The following ADD2 variants were observed in gnomAD, a reference collection of about 807,000 sequenced individuals.
ADD2 encodes the protein adducin 2, also known as beta-adducin.
A neutral mutation model predicts 83.0 loss-of-function variants in ADD2; 23 were observed. The ratio of observed to expected loss-of-function variants is 0.28; its 90% confidence interval spans 0.20 to 0.39. The LOEUF is 0.39. Among genes scored for constraint, ADD2 ranks in the 10% least tolerant of loss-of-function variants. The pLI is 1.00. For missense variants in ADD2, 758 were observed against 944.9 expected (o/e 0.80, Z 2.59); for synonymous variants, 375 against 375.4 (o/e 1.00, Z 0.01).
At chr2:70,718,860 G>A (rs1227632687) in intron 1 of ADD2, among the ~76,000 whole-genome samples, 1 of 152,216 alleles carries the variant, frequency 6.6e-6, no homozygotes, top group African/African-American at 2.4e-5. Context: ...GGGAGCAGAT[G>A]CCAGGGGCCT....
intron 11 of ADD2, 76 bp downstream of exon 11, chr2:70,678,628 C>T: frequency 4.7e-6 from 7 of 1,499,612 alleles, no homozygotes; most frequent in Non-Finnish European, 6.2e-6. Context: ...TTGTTCTGTT[C>T]CCGTTTTAAA....
rs958673410 is a variant in ADD2, at chr2:70,659,114, C to T, written c.*4311G>A. Reference sequence around the variant, plus strand: ...GAGCTAAGATTGCACCACTGCACTCCAGCCTGGGCAACAAAGAGCAAAGCT... The same window carrying T: ...GAGCTAAGATTGCACCACTGCACTCTAGCCTGGGCAACAAAGAGCAAAGCT... On this transcript the variant is annotated 3_prime_UTR_variant, in exon 16 of 16. Coordinates refer to ENST00000264436, the MANE Select transcript of ADD2 (RefSeq NM_001617.4). The T allele has an allele frequency of 1.4e-5, 2 of 138,830 alleles. No homozygotes were observed. Among genetic ancestry groups the T allele is most frequent in the African/African-American group, 2.8e-5 (1 of 36,002 alleles). 8.6% of individuals were successfully genotyped at this position (138,830 alleles called of 1,614,324 possible).
chr2:70,766,163 G>A (rs573582089), intron 1 of ADD2, among the ~76,000 whole-genome samples: 2 of 152,226 alleles, frequency 1.3e-5, no homozygotes, highest in African/African-American at 4.8e-5. Context: ...CAATTTGGTG[G>A]ACAAGAAAGA....
At position 70,672,891 on chromosome 2, in the gene ADD2, G is replaced by A; in HGVS notation, c.1857C>T (p.Ser619=). The A allele has an allele frequency of 6.2e-7, 1 of 1,612,510 alleles. No individual in the cohort carries two copies. Among genetic ancestry groups the A allele is most frequent in the Non-Finnish European group, 8.5e-7 (1 of 1,179,482 alleles). ...AGCTGGACTCACCCTCTAAAGACTT[G>A]GAAGGAGAGACTAAAGGGCTCTTTG... ...AETKSPLVSP[S]KSLEEGTKKT... Residue 619 remains serine, a synonymous_variant, in exon 15 of 16, where the codon TCC becomes TCT. Coordinates refer to ENST00000264436, the MANE Select transcript of ADD2 (RefSeq NM_001617.4).
In ADD2 at chr2:70,746,997, T is replaced by C. The variant is rs1674233708; in HGVS notation, c.-154+20889A>G. 2.0e-5 allele frequency among the ~76,000 whole-genome samples: 3 copies of C among 148,740 alleles called. No individual in the cohort carries two copies. The South Asian group carries it at 6.3e-4, about 31-fold the overall frequency. ...GTCCCTGCACTCCAGGAGCTAACAGTCCAATATGGATTTTTTTTTTTTTTT... is the reference window on the plus strand; with the variant it reads ...GTCCCTGCACTCCAGGAGCTAACAGCCCAATATGGATTTTTTTTTTTTTTT... On this transcript the variant is annotated intron_variant, in intron 1 of 15. Coordinates refer to ENST00000264436, the MANE Select transcript of ADD2 (RefSeq NM_001617.4).
In ADD2 at chr2:70,658,631, T is replaced by G. The variant is rs1353860672; in HGVS notation, c.*4794A>C. On this transcript the variant is annotated 3_prime_UTR_variant, in exon 16 of 16. Transcript: ENST00000264436. Reference sequence around the variant, plus strand: ...CTCATTTCTTTTCAGACTCTTTGAGTGCTAAGGTCTTAGAGTTCAACTGAG... The same window carrying G: ...CTCATTTCTTTTCAGACTCTTTGAGGGCTAAGGTCTTAGAGTTCAACTGAG... The G allele has an allele frequency of 6.6e-6, 1 of 152,110 alleles. No individual in the cohort carries two copies. Among genetic ancestry groups the G allele is most frequent in the Non-Finnish European group, 1.5e-5 (1 of 68,006 alleles). 9.4% of individuals were successfully genotyped at this position (152,110 alleles called of 1,614,324 possible).
intron 9 of ADD2, chr2:70,687,191 A>C (rs1266127048): frequency 1.3e-5 from 2 of 152,386 alleles, no homozygotes; most frequent in African/African-American, 4.8e-5. Context: ...CCTCTACCCA[A>C]GGGCACACAG....
In ADD2 at chr2:70,663,712, T is replaced by A. The variant is rs1675633188; in HGVS notation, c.1894A>T (p.Ser632Cys). The change falls in exon 16 of 16, where the codon AGC (serine) becomes TGC (cysteine). Residue 632 changes from serine to cysteine, a missense_variant. By Grantham distance (112) the Ser-to-Cys change is moderately radical. Around this residue, in one of 5 missense-constraint regions of ADD2, gnomAD observed 165 missense variants for 176.2 expected, o/e 0.94. Coordinates refer to ENST00000264436, the MANE Select transcript of ADD2 (RefSeq NM_001617.4). ...LEEGTKKTET[S>C]KAATTEPETT... Reference sequence around the variant, plus strand: ...TCGGGCTCTGTGGTGGCGGCTTTGCTTGTTTCTGTCTTCTTAGTACCTTCT... The same window carrying A: ...TCGGGCTCTGTGGTGGCGGCTTTGCATGTTTCTGTCTTCTTAGTACCTTCT... 1 of 1,614,022 alleles carries A rather than the reference T, an allele frequency of 6.2e-7. No individual in the cohort carries two copies. The highest frequency in any genetic ancestry group is 2.2e-5 in the East Asian group (1 of 44,878).
chr2:70,673,106 CAATCCTCCTGGCTGAT>C, intron 14 of ADD2, 100 bp from the exon 15 acceptor site: 1 of 1,538,830 alleles, frequency 6.5e-7, no homozygotes, highest in Non-Finnish European at 8.9e-7. Context: ...ATTTGGTCAT[CAATCCTCCTGGCTGAT>C]AATGAGACTT....
intron 1 of ADD2, chr2:70,717,856 TATC>T (rs1293803542): frequency 6.6e-6 from 1 of 152,256 alleles, no homozygotes; most frequent in African/African-American, 2.4e-5. Flanking sequence ...GGGGAAAGCT[TATC>T]ATCATTTTTT....
intron 4 of ADD2, among the ~76,000 whole-genome samples, chr2:70,701,282 A>G (rs1671568197): frequency 6.6e-6 from 1 of 152,124 alleles, no homozygotes; most frequent in South Asian, 2.1e-4. Flanking sequence ...TCATCACCTC[A>G]ATAGTTCAAG....
chr2:70,695,168 T>C (rs560272507), intron 6 of ADD2, among the ~76,000 whole-genome samples: 1 of 152,274 alleles, frequency 6.6e-6, no homozygotes, highest in Non-Finnish European at 1.5e-5. Context: ...GTACATGGCA[T>C]AGCAGCCACA....
chr2:70,734,811 A>C (rs1331455662), intron 1 of ADD2, among the ~76,000 whole-genome samples: 1 of 152,208 alleles, frequency 6.6e-6, no homozygotes, highest in African/African-American at 2.4e-5. Context: ...ATTTACCACC[A>C]TCTAGCTTGC....
intron 1 of ADD2, among the ~76,000 whole-genome samples, chr2:70,732,199 A>G (rs1553379434): frequency 6.6e-6 from 1 of 152,158 alleles, no homozygotes; most frequent in Non-Finnish European, 1.5e-5. Context: ...TTGTACGAAA[A>G]TATATAGTAT....
At chr2:70,748,525 C>T (rs147848390) in intron 1 of ADD2, among the ~76,000 whole-genome samples, 20 of 152,220 alleles carry the variant, frequency 1.3e-4, no homozygotes, top group African/African-American at 4.8e-4. Context: ...CCATTTTATC[C>T]AGATCCAAAG....
chr2:70,756,737 G>C (rs1030305459), intron 1 of ADD2, among the ~76,000 whole-genome samples: 4 of 152,316 alleles, frequency 2.6e-5, no homozygotes, highest in East Asian at 1.9e-4. Context: ...TCTGGTTGTA[G>C]TGAATCTATT....
chr2:70,695,204 C>A (rs1009213968), intron 6 of ADD2, among the ~76,000 whole-genome samples: 1 of 152,114 alleles, frequency 6.6e-6, no homozygotes, highest in Admixed American at 6.5e-5. Context: ...AAGGATTGGG[C>A]CTTTTCTGCT....
intron 1 of ADD2, among the ~76,000 whole-genome samples, chr2:70,724,495 C>T (rs1169186366): frequency 6.6e-6 from 1 of 152,200 alleles, no homozygotes; most frequent in East Asian, 1.9e-4. Flanking sequence ...ACACTGCTCC[C>T]CGACACACAC....
At chr2:70,763,358 A>G (rs1675216402) in intron 1 of ADD2, among the ~76,000 whole-genome samples, 1 of 151,934 alleles carries the variant, frequency 6.6e-6, no homozygotes, top group African/African-American at 2.4e-5. Flanking sequence ...TGTAGCAGCC[A>G]ATGTATGTGG....
Sources: allele counts gnomAD v4.1 joint callset (sites outside exome capture counted in the v4.1 genomes callset), GRCh38; gene constraint gnomAD v4.1.1; regional missense constraint gnomAD v4.1.1; transcripts MANE v1.5; gene names NCBI Gene and HGNC (gene_info 2026-07-23, HGNC 2026-07-21).